Variants in TRPM3 observed in about 807,000 individuals in gnomAD.
TRPM3 encodes long transient receptor potential channel 3.
A neutral mutation model predicts 181.2 loss-of-function variants in TRPM3; 77 were observed. The ratio of observed to expected loss-of-function variants is 0.42; its 90% confidence interval spans 0.35 to 0.51. The LOEUF (loss-of-function observed/expected upper bound fraction) is 0.51. TRPM3 is among the 20% of genes least tolerant of loss of function. The pLI, the probability that TRPM3 is intolerant of heterozygous loss-of-function variation, is 0.01. For missense variants in TRPM3, 1,759 were observed against 2,196.7 expected (o/e 0.80, Z 3.98); for synonymous variants, 745 against 796.4 (o/e 0.94, Z 1.09).
At chr9:70,952,001 G>T (rs1320683626) in intron 1 of TRPM3, among the ~76,000 whole-genome samples, 2 of 152,120 alleles carry the variant, frequency 1.3e-5, no homozygotes, top group Non-Finnish European at 2.9e-5. Flanking sequence ...GATGCTCCCT[G>T]GGATTTATAA....
intron 1 of TRPM3, among the ~76,000 whole-genome samples, chr9:71,160,406 C>A (rs180769539): frequency 6.6e-6 from 1 of 152,204 alleles, no homozygotes; most frequent in East Asian, 1.9e-4. Context: ...TCTCTACTTA[C>A]ACATAGTAAG....
chr9:71,372,310 T>C (rs2092541592), intron 1 of TRPM3, among the ~76,000 whole-genome samples: 1 of 152,204 alleles, frequency 6.6e-6, no homozygotes, highest in Admixed American at 6.5e-5. Context: ...TCCATATATC[T>C]TTATGACAAT....
intron 1 of TRPM3, among the ~76,000 whole-genome samples, chr9:71,427,212 T>C (rs1391529500): frequency 6.6e-6 from 1 of 152,086 alleles, no homozygotes; most frequent in East Asian, 1.9e-4. Context: ...GTGATACACA[T>C]CTCTCCTTAA....
intron 1 of TRPM3, among the ~76,000 whole-genome samples, chr9:70,965,122 AT>A (rs1297959629): frequency 6.6e-6 from 1 of 151,408 alleles, no homozygotes; most frequent in Non-Finnish European, 1.5e-5. Context: ...CCTTTTTTTT[AT>A]TTATTTTTTT....
intron 1 of TRPM3, among the ~76,000 whole-genome samples, chr9:71,410,946 A>G (rs927472616): frequency 2.6e-5 from 4 of 152,372 alleles, no homozygotes. Flanking sequence ...GGCTAGTTCA[A>G]CATATGAAAA....
intron 1 of TRPM3, among the ~76,000 whole-genome samples, chr9:71,009,041 A>C (rs2097708595): frequency 6.6e-6 from 1 of 152,238 alleles, no homozygotes; most frequent in African/African-American, 2.4e-5. Context: ...CATGATAAAA[A>C]CTCTCAGCAA....
intron 1 of TRPM3, among the ~76,000 whole-genome samples, chr9:70,946,157 A>G (rs2096930195): frequency 6.6e-6 from 1 of 152,138 alleles, no homozygotes; most frequent in South Asian, 2.1e-4. Flanking sequence ...TGGTATTTTT[A>G]GAGACAGGGT....
intron 9 of TRPM3, among the ~76,000 whole-genome samples, chr9:70,669,361 C>G (rs1038075852): frequency 9.2e-5 from 14 of 152,192 alleles, no homozygotes; most frequent in Non-Finnish European, 2.1e-4. Flanking sequence ...CTGGTGAACC[C>G]TGGTGTTCTT....
chr9:71,111,555 T>C (rs1193963878), intron 1 of TRPM3, among the ~76,000 whole-genome samples: 1 of 152,196 alleles, frequency 6.6e-6, no homozygotes, highest in African/African-American at 2.4e-5. Context: ...ACAGGACAGA[T>C]GTCCCCCACA....
At chr9:70,585,755 A>C (rs2057000861) in intron 22 of TRPM3, among the ~76,000 whole-genome samples, 1 of 152,066 alleles carries the variant, frequency 6.6e-6, no homozygotes, top group Non-Finnish European at 1.5e-5. Flanking sequence ...CTGCTGCATT[A>C]GAAATTTCCT....
intron 1 of TRPM3, among the ~76,000 whole-genome samples, chr9:71,225,988 A>G (rs2080586691): frequency 7.0e-6 from 1 of 143,046 alleles, no homozygotes; most frequent in South Asian, 2.4e-4. Context: ...ACAATAAGAT[A>G]TGAATAGAAA....
In TRPM3 at chr9:70,619,000, C is replaced by T; in HGVS notation, c.2225G>A (p.Trp742Ter). The T allele has an allele frequency of 6.2e-7, 1 of 1,614,226 alleles. No individual in the cohort carries two copies. The highest frequency in any genetic ancestry group is 8.5e-7 in the Non-Finnish European group (1 of 1,180,038). Residue 742 changes from tryptophan to a stop codon, truncating the protein, a stop_gained, in exon 17 of 26, where the codon TGG becomes TAG. Coordinates refer to ENST00000677713, the MANE Select transcript of TRPM3 (RefSeq NM_001366145.2). LOFTEE classifies it high-confidence loss of function. ...MKLLTYELKN[W>*]SNATCLQLAV... The stretch of plus-strand genomic sequence containing the variant: ...AAGCTGCAGGCACGTGGCGTTGCTC[C>T]AGTTCTTCAGCTCATACGTCAGCAG...
intron 10 of TRPM3, among the ~76,000 whole-genome samples, chr9:70,639,650 G>A (rs1483018091): frequency 3.9e-5 from 6 of 152,192 alleles, no homozygotes. Flanking sequence ...CTAAATCAAT[G>A]CTGGGTCTCT....
chr9:71,238,297 C>T lies in TRPM3; in HGVS notation c.183+208356G>A, dbSNP rs185479043. Among the ~76,000 whole-genome samples the T allele has an allele frequency of 3.3e-5, 5 of 152,246 alleles. No homozygotes were observed. The East Asian group carries it at 9.7e-4, about 29-fold the overall frequency. On this transcript the variant is annotated intron_variant, in intron 1 of 24. Transcript: ENST00000357533. ...ATTAAGTCTGGCTTCCTTCCCTACA[C>T]ATCATTCTCTAACTCAGGTGAAATT...
At chr9:71,326,987 T>C (rs1207942058) in intron 1 of TRPM3, among the ~76,000 whole-genome samples, 3 of 152,162 alleles carry the variant, frequency 2.0e-5, no homozygotes, top group Non-Finnish European at 2.9e-5. Flanking sequence ...GGACCGTGTC[T>C]CTAGATAAGG....
intron 1 of TRPM3, among the ~76,000 whole-genome samples, chr9:71,171,053 C>T (rs2076828083): frequency 6.6e-6 from 1 of 152,148 alleles, no homozygotes; most frequent in African/African-American, 2.4e-5. Flanking sequence ...GCTCCTGTCT[C>T]TTATGGTCGA....
rs562809086 is a variant in TRPM3 at position 71,153,804 on chromosome 9, C to T, written c.184-289293G>A. Among the ~76,000 whole-genome samples the T allele has an allele frequency of 9.9e-5, 15 of 152,216 alleles. No individual in the cohort carries two copies. The South Asian group carries it at 2.7e-3, about 27-fold the overall frequency. On this transcript the variant is annotated intron_variant, in intron 1 of 24. Coordinates refer to the TRPM3 transcript ENST00000357533. ...CATGCTTTTTCAAGACAACATCCCC[C>T]AACAGGGAAATGAAATTCTATAGCT...
At chr9:70,943,972 G>T (rs1329429416) in intron 1 of TRPM3, among the ~76,000 whole-genome samples, 1 of 152,106 alleles carries the variant, frequency 6.6e-6, no homozygotes, top group Non-Finnish European at 1.5e-5. Context: ...TAGAGACGGG[G>T]TTTCACCATA....
At chr9:71,080,355 C>G (rs1178164900) in intron 1 of TRPM3, among the ~76,000 whole-genome samples, 2 of 151,922 alleles carry the variant, frequency 1.3e-5, no homozygotes, top group African/African-American at 2.4e-5. Context: ...CCGTAAGCTC[C>G]CCAACCCCCA....
Sources: allele counts gnomAD v4.1 joint callset (sites outside exome capture counted in the v4.1 genomes callset), GRCh38; gene constraint gnomAD v4.1.1; transcripts MANE v1.5; gene names NCBI Gene and HGNC (gene_info 2026-07-23, HGNC 2026-07-21).